Variants in NKD1 observed in about 807,000 individuals in gnomAD.
The protein encoded by NKD1 is NKD inhibitor of Wnt signaling pathway 1.
NKD1 carries 21 observed loss-of-function variants against 56.0 expected under a neutral mutation model. The ratio of observed to expected loss-of-function variants is 0.38; its 90% CI spans 0.27 to 0.54. NKD1 has a LOEUF of 0.54. Among genes scored for constraint, NKD1 ranks in the 20% least tolerant of loss-of-function variants. NKD1 has a pLI of 0.82. For synonymous variants in NKD1, 263 were observed against 265.7 expected, an observed-to-expected ratio of 0.99 and a Z score of 0.10; for missense variants, 578 against 642.7, an observed-to-expected ratio of 0.90 and a Z score of 1.09.
intron 3 of NKD1, chr16:50,557,729 C>T (rs1960534678): frequency 6.6e-6 from 1 of 152,158 alleles, no homozygotes; most frequent in Admixed American, 6.6e-5. Context: ...AATGTGACCG[C>T]ATTTGATAGG....
chr16:50,631,896 C>T (rs985683666), intron 8 of NKD1, among the ~76,000 whole-genome samples: 5 of 152,248 alleles, frequency 3.3e-5, no homozygotes, highest in African/African-American at 1.2e-4. Context: ...GCCCACACCC[C>T]CTGAGGAACC....
intron 3 of NKD1, among the ~76,000 whole-genome samples, chr16:50,564,819 A>T (rs184307790): frequency 6.6e-6 from 1 of 152,054 alleles, no homozygotes; most frequent in East Asian, 1.9e-4. Context: ...AGTCGTACGC[A>T]TGGTTAAAAA....
intron 4 of NKD1, among the ~76,000 whole-genome samples, chr16:50,614,574 G>C (rs1567349607): frequency 6.6e-6 from 1 of 152,084 alleles, no homozygotes; most frequent in Admixed American, 6.5e-5. Flanking sequence ...AGGTCACAGG[G>C]GTTCTTGCAC....
intron 3 of NKD1, chr16:50,555,809 T>C (rs2151262387): frequency 6.6e-6 from 1 of 152,322 alleles, no homozygotes; most frequent in East Asian, 1.9e-4. Context: ...CTTTTGGACT[T>C]TTCACATCAC....
chr16:50,615,102 A>T (rs1285977112), intron 4 of NKD1, among the ~76,000 whole-genome samples: 1 of 152,182 alleles, frequency 6.6e-6, no homozygotes, highest in Non-Finnish European at 1.5e-5. Context: ...TGGGGAGGAA[A>T]GCCAGATGCT....
At chr16:50,556,790 C>G (rs570514685) in intron 3 of NKD1, 2 of 148,684 alleles carry the variant, frequency 1.3e-5, no homozygotes, top group South Asian at 4.3e-4. Context: ...CCCAGGCTGG[C>G]CTTAAACTCC....
At chr16:50,582,967 C>A (rs948513387) in intron 3 of NKD1, among the ~76,000 whole-genome samples, 1 of 152,142 alleles carries the variant, frequency 6.6e-6, no homozygotes, top group Non-Finnish European at 1.5e-5. Flanking sequence ...AGATTGCGCC[C>A]CTGCACTCCA....
intron 3 of NKD1, among the ~76,000 whole-genome samples, chr16:50,585,596 A>G (rs1274238935): frequency 1.3e-5 from 2 of 152,164 alleles, no homozygotes; most frequent in East Asian, 1.9e-4. Flanking sequence ...TGCTGCCTCC[A>G]AGATCCAGCC....
At chr16:50,577,494 A>ATTC (rs1316267181) in intron 3 of NKD1, among the ~76,000 whole-genome samples, 1 of 152,112 alleles carries the variant, frequency 6.6e-6, no homozygotes, top group Non-Finnish European at 1.5e-5. Flanking sequence ...TATTATTATT[A>ATTC]TTTGTGTGAA....
intron 4 of NKD1, among the ~76,000 whole-genome samples, chr16:50,612,227 C>G (rs1961862641): frequency 6.6e-6 from 1 of 152,244 alleles, no homozygotes; most frequent in South Asian, 2.1e-4. Context: ...GACCTGTGTA[C>G]CTGTGTTGGG....
intron 6 of NKD1, among the ~76,000 whole-genome samples, chr16:50,627,323 T>C (rs1438195435): frequency 6.6e-6 from 1 of 152,140 alleles, no homozygotes; most frequent in Non-Finnish European, 1.5e-5. Flanking sequence ...TGAGGCAGAC[T>C]CTCCCCTTGG....
Position 50,632,215 on chromosome 16 carries a change from T to G in NKD1, c.696-66T>G. On this transcript the variant is annotated intron_variant, in intron 8 of 9. Coordinates refer to ENST00000268459, the MANE Select transcript of NKD1 (RefSeq NM_033119.5). This position sits in a 1 kb window ranked among gnomAD's most constrained non-coding sequence, Gnocchi z 4.1. ...AGAGTTCATTCTGGGGGCTTCCTAGTAGCCTATGCGCTTGCCCCCACCTGG... is the reference window on the plus strand; with the variant it reads ...AGAGTTCATTCTGGGGGCTTCCTAGGAGCCTATGCGCTTGCCCCCACCTGG... The G allele has an allele frequency of 3.9e-6, 6 of 1,543,550 alleles. No individual in the cohort carries two copies. The highest frequency in any genetic ancestry group is 1.4e-5 in the African/African-American group (1 of 73,314).
intron 3 of NKD1, 158 bp from the exon 4 acceptor site, chr16:50,608,136 C>G: frequency 3.0e-6 from 2 of 673,580 alleles, no homozygotes; most frequent in Non-Finnish European, 2.7e-6. Context: ...GAGGGACCCA[C>G]CTTGGCACTT....
chr16:50,548,908 C>A, intron 2 of NKD1, 159 bp downstream of exon 2: 1 of 856,530 alleles, frequency 1.2e-6, no homozygotes, highest in Non-Finnish European at 1.4e-6. Flanking sequence ...GCCTTCGCGC[C>A]CCCTCCTCTG....
Position 50,634,679 on chromosome 16 carries a change from A to G in NKD1, c.*898A>G, listed in dbSNP as rs1378531742. 1 of 152,354 alleles carries G rather than the reference A, an allele frequency of 6.6e-6. No homozygotes were observed. Among genetic ancestry groups the G allele is most frequent in the African/African-American group, 2.4e-5 (1 of 41,456 alleles). The allele number at this position is 152,354 out of a possible 1,614,324, so 9.4% of individuals were successfully genotyped here. On this transcript the variant is annotated 3_prime_UTR_variant, in exon 10 of 10. Transcript: ENST00000268459. Reference sequence around the variant, plus strand: ...CTTTCTGTATCTATAGATAGATGCCATCTGTCCATTTCTATGTATCTTTCT... The same window carrying G: ...CTTTCTGTATCTATAGATAGATGCCGTCTGTCCATTTCTATGTATCTTTCT...
intron 3 of NKD1, chr16:50,551,938 C>T (rs1264463371): frequency 6.6e-6 from 1 of 152,142 alleles, no homozygotes; most frequent in African/African-American, 2.4e-5. Flanking sequence ...ATGGGCAACC[C>T]TCAGGCTAGT....
intron 3 of NKD1, among the ~76,000 whole-genome samples, chr16:50,594,672 T>C (rs1232101787): frequency 6.6e-6 from 1 of 152,188 alleles, no homozygotes; most frequent in African/African-American, 2.4e-5. Context: ...TTCATTCTCC[T>C]GCACCAGGCT....
At chr16:50,584,926 G>A (rs922313215) in intron 3 of NKD1, among the ~76,000 whole-genome samples, 8 of 152,186 alleles carry the variant, frequency 5.3e-5, no homozygotes, top group Admixed American at 1.3e-4. Flanking sequence ...AGGCCCAGGC[G>A]CCCAGACTGA....
intron 3 of NKD1, among the ~76,000 whole-genome samples, chr16:50,584,332 C>T (rs1961182059): frequency 6.6e-6 from 1 of 152,202 alleles, no homozygotes; most frequent in Non-Finnish European, 1.5e-5. Flanking sequence ...TCTGCTAGAG[C>T]AAGTCACGTG....
Sources: allele counts gnomAD v4.1 joint callset (sites outside exome capture counted in the v4.1 genomes callset), GRCh38; gene constraint gnomAD v4.1.1; non-coding constraint Gnocchi (gnomAD v3.1); transcripts MANE v1.5; gene names NCBI Gene and HGNC (gene_info 2026-07-23, HGNC 2026-07-21).